NOP53: variants seen among roughly 807,000 people sequenced by gnomAD.
The protein encoded by NOP53 is ribosome biogenesis protein NOP53.
NOP53 carries 40 observed loss-of-function variants against 61.0 expected under a neutral mutation model. That is an observed-to-expected ratio of 0.66 (90% CI 0.51 to 0.85). NOP53 has a LOEUF of 0.85. Ranked by LOEUF, NOP53 falls within the 40% of genes least tolerant of loss-of-function variation. The pLI, the probability that NOP53 is intolerant of heterozygous loss-of-function variation, is 0.00. For synonymous variants in NOP53, 308 were observed against 289.5 expected (o/e 1.06, Z -0.65); for missense variants, 689 against 652.9 (o/e 1.06, Z -0.60).
At position 47,750,871 on chromosome 19, in the gene NOP53, C is replaced by T. The variant is rs139432645; in HGVS notation, c.399-37C>T. On this transcript the variant is annotated intron_variant, in intron 3 of 12. Coordinates refer to ENST00000246802, the MANE Select transcript of NOP53 (RefSeq NM_015710.5). ...GCCCTGCTGCCGTTCAGGCTGCCAC[C>T]TCACCTGCTGCACTTGTGCCCCCTC... The T allele has an allele frequency of 4.6e-3, 7,009 of 1,539,748 alleles. 19 individuals are homozygous for T. Among genetic ancestry groups the T allele is most frequent in the Non-Finnish European group, 5.7e-3 (6,469 of 1,136,272 alleles).
intron 1 of NOP53, chr19:47,746,200 G>A (rs1599911691): frequency 6.4e-6 from 1 of 156,324 alleles, no homozygotes; most frequent in East Asian, 1.9e-4. Context: ...ATATATATAT[G>A]TTTTTCAGAC....
chr19:47,756,850 ACC>A lies in NOP53; in HGVS notation c.1430+110_1430+111del, dbSNP rs147028099. The A allele has an allele frequency of 5.3e-3, 7,998 of 1,508,346 alleles. 322 individuals carry two copies. In the African/African-American group the frequency reaches 0.094, roughly 18 times the overall value. 93.4% of individuals were successfully genotyped at this position (1,508,346 alleles called of 1,614,324 possible). The stretch of plus-strand genomic sequence containing the variant: ...AGAGTGTGGCTAGTGGCTGAGCCAC[ACC>A]CCCTTGGCCATGCCCAGAAGAGGCC... On this transcript the variant is annotated intron_variant, in intron 12 of 12. Coordinates refer to ENST00000246802, the MANE Select transcript of NOP53 (RefSeq NM_015710.5).
Position 47,754,656 on chromosome 19 carries a change from C to T in NOP53, c.870+25C>T, listed in dbSNP as rs111405504. The T allele has an allele frequency of 5.2e-3, 8,065 of 1,543,698 alleles. 332 individuals are homozygous for T. In the African/African-American group the frequency reaches 0.094, roughly 18 times the overall value. On this transcript the variant is annotated intron_variant, in intron 7 of 12. Transcript: ENST00000246802. This position sits in a 1 kb window ranked among gnomAD's most constrained non-coding sequence, Gnocchi z 4.2. ...GGTGAGCCCCGCACCTGCCCACTCC[C>T]TCCCCTCCCCGGGCCTCCTACCCAC...
intron 2 of NOP53, 136 bp from the exon 3 acceptor site, chr19:47,750,042 G>A (rs1967105580): frequency 3.5e-6 from 2 of 577,280 alleles, no homozygotes; most frequent in Non-Finnish European, 6.3e-6. Context: ...CCTCCAGGTA[G>A]GAGCCTGGGG....
chr19:47,750,962 A>G lies in NOP53; in HGVS notation c.453A>G (p.Leu151=). ...NAKKLRRKEQ[L]WEKLAKQGEL... is the part of the protein sequence containing the mutation. ...AGAAGCTCAGGCGGAAGGAGCAGCT[A>G]TGGGAGAAGCTGGCCAAGCAGGGCG... The change falls in exon 4 of 13, where the codon CTA becomes CTG. Residue 151 remains leucine (L), a synonymous_variant. Transcript: ENST00000246802. 1.3e-6 allele frequency: 2 copies of G among 1,599,900 alleles called. No individual in the cohort carries two copies. The highest frequency in any genetic ancestry group is 1.7e-5 in the Admixed American group (1 of 57,282).
intron 5 of NOP53, 46 bp from the exon 6 acceptor site, chr19:47,752,466 C>T (rs1482764703): frequency 1.7e-6 from 2 of 1,203,092 alleles, no homozygotes; most frequent in African/African-American, 2.9e-5. Context: ...GGGTCACCCG[C>T]AGCCCCAACG....
At position 47,754,375 on chromosome 19, in the gene NOP53, G is replaced by C. The variant is rs1371924107; in HGVS notation, c.766-152G>C. 1.5e-6 allele frequency: 1 copy of C among 659,184 alleles called. No individual in the cohort carries two copies. The highest frequency in any genetic ancestry group is 2.8e-6 in the Non-Finnish European group (1 of 361,216). The allele number at this position is 659,184 out of a possible 1,614,324, so 40.8% of individuals were successfully genotyped here. The stretch of plus-strand genomic sequence containing the variant: ...TGAGGTGCCCTCTGGCTCTGTGCAG[G>C]GTGGGTGTGCTGGTAGACGGGGTGT... On this transcript the variant is annotated intron_variant, in intron 6 of 12. Transcript: ENST00000246802. This position sits in a 1 kb window ranked among gnomAD's most constrained non-coding sequence, Gnocchi z 4.2.
rs1330269210 is a variant in NOP53, at chr19:47,755,817, C to T, written c.1291C>T (p.Leu431=). Reference sequence around the variant, plus strand: ...GGAGCTGACAGACTCGCTCAGGACCCTGAAGGTGCTCACTGTGTCCTGCCG... The same window carrying T: ...GGAGCTGACAGACTCGCTCAGGACCTTGAAGGTGCTCACTGTGTCCTGCCG... The part of the protein sequence containing the change: ...SSELTDSLRT[L]KPEGNILRDR... Residue 431 remains leucine (L), a synonymous_variant, in exon 10 of 13, where the codon CTG becomes TTG. Coordinates refer to ENST00000246802, the MANE Select transcript of NOP53 (RefSeq NM_015710.5). The T allele has an allele frequency of 6.2e-7, 1 of 1,607,860 alleles. No individual in the cohort carries two copies. Among genetic ancestry groups the T allele is most frequent in the Non-Finnish European group, 8.5e-7 (1 of 1,177,106 alleles).
intron 10 of NOP53, 72 bp downstream of exon 10, chr19:47,755,894 G>A (rs923458245): frequency 5.3e-6 from 7 of 1,314,436 alleles, no homozygotes; most frequent in Non-Finnish European, 5.4e-6. Context: ...TGCCCCCCAG[G>A]GGCTATGGGC....
chr19:47,750,079 G>A (rs953901728), intron 2 of NOP53, 99 bp from the exon 3 acceptor site: 5 of 721,480 alleles, frequency 6.9e-6, no homozygotes, highest in Non-Finnish European at 1.2e-5. Flanking sequence ...GGGTGACTTG[G>A]GATTCAGGTC....
rs775478523 is a variant in NOP53, at chr19:47,755,772, A to G, written c.1246A>G (p.Ile416Val). Residue 416 changes from isoleucine (I) to valine (V), a missense_variant, in exon 10 of 13, where the codon ATC (isoleucine) becomes GTC (valine). Coordinates refer to ENST00000246802, the MANE Select transcript of NOP53 (RefSeq NM_015710.5). Reference protein sequence around the residue: ...LGRLKYQAPDIDVQLSSELTD... With the variant: ...LGRLKYQAPDVDVQLSSELTD... ...GTTCTGCAGGTACCAGGCACCTGACATCGACGTGCAGCTGAGCTCGGAGCT... is the reference window on the plus strand; with the variant it reads ...GTTCTGCAGGTACCAGGCACCTGACGTCGACGTGCAGCTGAGCTCGGAGCT... 3.5e-5 allele frequency: 57 copies of G among 1,610,604 alleles called. No homozygotes were observed. Among genetic ancestry groups the G allele is most frequent in the Non-Finnish European group, 4.7e-5 (56 of 1,178,994 alleles).
intron 2 of NOP53, among the ~76,000 whole-genome samples, chr19:47,749,194 G>A (rs537901795): frequency 3.9e-5 from 6 of 152,020 alleles, no homozygotes; most frequent in Non-Finnish European, 8.8e-5. Context: ...TATTAGAGAA[G>A]TCAGCCTTGA....
At chr19:47,751,815 A>G (rs1360542554) in intron 5 of NOP53, among the ~76,000 whole-genome samples, 2 of 152,148 alleles carry the variant, frequency 1.3e-5, no homozygotes, top group Non-Finnish European at 2.9e-5. Flanking sequence ...TAAAATGCAG[A>G]TGAGGGCCGG....
intron 1 of NOP53, 155 bp from the exon 2 acceptor site, chr19:47,746,811 TA>T: frequency 1.6e-6 from 1 of 613,314 alleles, no homozygotes; most frequent in Non-Finnish European, 2.9e-6. Flanking sequence ...CAGTCCTTCC[TA>T]AATACTAAGT....
chr19:47,755,699 C>A, intron 9 of NOP53, 57 bp from the exon 10 acceptor site: 1 of 1,488,026 alleles, frequency 6.7e-7, no homozygotes, highest in South Asian at 1.2e-5. Flanking sequence ...GGGCTTTGGA[C>A]TGGGTGTCCT....
chr19:47,755,031 G>GA, intron 8 of NOP53, 140 bp downstream of exon 8: 1 of 799,420 alleles, frequency 1.3e-6, no homozygotes, highest in Non-Finnish European at 1.9e-6. Context: ...GGCTGTTTGG[G>GA]ATCCTCACAG....
intron 2 of NOP53, among the ~76,000 whole-genome samples, chr19:47,747,766 CTTT>C: frequency 7.7e-6 from 1 of 130,002 alleles, no homozygotes; most frequent in Non-Finnish European, 1.6e-5. Flanking sequence ...AATTTCTTTT[CTTT>C]TCTCTCTCTC....
chr19:47,750,209 G>A lies in NOP53; in HGVS notation c.321G>A (p.Lys107=), dbSNP rs1177137596. ...CAAAGAAGAGAACCAAAGTCCAGAA[G>A]AAGTCACTGCTTCTCAAGAAACCCC... The part of the protein sequence containing the change: ...GLTKKRTKVQ[K]KSLLLKKPLR... Residue 107 remains lysine (K), a synonymous_variant, in exon 3 of 13, where the codon AAG becomes AAA. Transcript: ENST00000246802. 10 of 1,612,272 alleles carry A rather than the reference G, an allele frequency of 6.2e-6. No homozygotes were observed. The Admixed American group carries it at 1.7e-4, about 27-fold the overall frequency.
chr19:47,746,098 A>G (rs1027195469), intron 1 of NOP53: 14 of 404,652 alleles, frequency 3.5e-5, no homozygotes, highest in South Asian at 7.5e-5. Flanking sequence ...TTTTCTAAAT[A>G]TGTGTGTGTG....
Sources: gnomAD v4.1 joint callset for allele counts (sites outside exome capture counted in the v4.1 genomes callset) on GRCh38, gnomAD v4.1.1 for gene constraint, Gnocchi (gnomAD v3.1) non-coding constraint, MANE v1.5 for transcripts, NCBI Gene and HGNC (gene_info 2026-07-23, HGNC 2026-07-21) for gene names.